Variants in DPP10 observed in about 807,000 individuals in gnomAD.
The protein encoded by DPP10 is dipeptidyl peptidase like 10, also known as inactive dipeptidyl peptidase 10.
A neutral mutation model predicts 120.9 loss-of-function variants in DPP10; 33 were observed. That is an observed-to-expected ratio of 0.27 (90% CI 0.21 to 0.37). The LOEUF is 0.37. Among genes scored for constraint, DPP10 ranks in the 10% least tolerant of loss-of-function variants. The pLI, the probability that DPP10 is intolerant of heterozygous loss-of-function variation, is 1.00. For synonymous variants in DPP10, 337 were observed against 326.1 expected (o/e 1.03, Z -0.36); for missense variants, 816 against 942.8 (o/e 0.87, Z 1.76).
intron 1 of DPP10, among the ~76,000 whole-genome samples, chr2:115,268,397 A>G (rs939685411): frequency 3.9e-5 from 6 of 152,230 alleles, no homozygotes; most frequent in African/African-American, 1.4e-4. Context: ...TGAACAATCT[A>G]GTGAATGAAC....
intron 1 of DPP10, among the ~76,000 whole-genome samples, chr2:115,129,125 A>T (rs1247960514): frequency 6.6e-6 from 1 of 152,156 alleles, no homozygotes; most frequent in Non-Finnish European, 1.5e-5. Flanking sequence ...TTTCAAACTC[A>T]GGCTTCCTGT....
At position 114,708,144 on chromosome 2, in the gene DPP10, C is replaced by T. The variant is rs554542087; in HGVS notation, c.60+265306C>T. Among the ~76,000 whole-genome samples, 11 of 152,272 alleles carry T rather than the reference C, an allele frequency of 7.2e-5. No individual in the cohort carries two copies. The East Asian group carries it at 1.9e-3, about 27-fold the overall frequency. On this transcript the variant is annotated intron_variant, in intron 1 of 25. Coordinates refer to ENST00000410059, the MANE Select transcript of DPP10 (RefSeq NM_020868.6). ...ATTATTCAAGGATAGGCAGCTAAAACAAACAAACCTAGAATCCATGCTGAG... is the reference window on the plus strand; with the variant it reads ...ATTATTCAAGGATAGGCAGCTAAAATAAACAAACCTAGAATCCATGCTGAG...
chr2:115,643,371 G>A (rs951936163), intron 5 of DPP10, among the ~76,000 whole-genome samples: 1 of 152,136 alleles, frequency 6.6e-6, no homozygotes, highest in Non-Finnish European at 1.5e-5. Context: ...ACAGTTAACA[G>A]GATTGCTAAT....
chr2:115,780,528 T>G (rs1575756917), intron 15 of DPP10, among the ~76,000 whole-genome samples: 1 of 151,870 alleles, frequency 6.6e-6, no homozygotes. Context: ...GAAATTCCCT[T>G]TAAGACTTTA....
chr2:114,808,646 C>G (rs1684938721), intron 1 of DPP10, among the ~76,000 whole-genome samples: 1 of 150,674 alleles, frequency 6.6e-6, no homozygotes, highest in Non-Finnish European at 1.5e-5. Context: ...ATGACCTGGT[C>G]TCTGCACTTC....
At chr2:114,952,379 A>C (rs1487708652) in intron 1 of DPP10, among the ~76,000 whole-genome samples, 1 of 152,134 alleles carries the variant, frequency 6.6e-6, no homozygotes, top group Non-Finnish European at 1.5e-5. Flanking sequence ...AAACATTCCT[A>C]TATTGTTTCT....
chr2:115,625,234 C>A (rs537260886), intron 5 of DPP10, among the ~76,000 whole-genome samples: 11 of 152,054 alleles, frequency 7.2e-5, no homozygotes, highest in African/African-American at 2.6e-4. Context: ...TGAGAAAGAT[C>A]TTTTTTGGAT....
intron 1 of DPP10, among the ~76,000 whole-genome samples, chr2:115,032,176 G>A (rs1238962182): frequency 8.0e-6 from 1 of 124,458 alleles, no homozygotes. Flanking sequence ...CCTAGCAATA[G>A]AGGGTAACTC....
chr2:115,701,798 A>ATGGT (rs1375045099), intron 7 of DPP10, among the ~76,000 whole-genome samples: 2 of 152,034 alleles, frequency 1.3e-5, no homozygotes, highest in Non-Finnish European at 2.9e-5. Context: ...TAATTCCAAA[A>ATGGT]TGGGCAATGA....
intron 1 of DPP10, among the ~76,000 whole-genome samples, chr2:114,921,818 A>G (rs770755350): frequency 3.8e-4 from 58 of 152,264 alleles, no homozygotes; most frequent in Admixed American, 9.2e-4. Context: ...ATTACTAGAC[A>G]TTCAATGAGT....
chr2:114,917,168 A>G (rs1368202714), intron 1 of DPP10, among the ~76,000 whole-genome samples: 1 of 152,124 alleles, frequency 6.6e-6, no homozygotes, highest in African/African-American at 2.4e-5. Flanking sequence ...ATTTCTATAC[A>G]CCAATAATGT....
intron 1 of DPP10, among the ~76,000 whole-genome samples, chr2:114,859,303 G>A (rs1446490495): frequency 2.0e-5 from 3 of 150,906 alleles, no homozygotes; most frequent in African/African-American, 7.3e-5. Context: ...AGGAGGTGAA[G>A]CTAGCAGCGA....
intron 1 of DPP10, among the ~76,000 whole-genome samples, chr2:114,758,621 T>C (rs1055984661): frequency 9.2e-5 from 14 of 152,244 alleles, no homozygotes; most frequent in Admixed American, 1.3e-4. Context: ...TAAGAAGATA[T>C]AGAGGTTTCC....
intron 5 of DPP10, among the ~76,000 whole-genome samples, chr2:115,642,138 A>G (rs532640963): frequency 6.6e-6 from 1 of 152,214 alleles, no homozygotes; most frequent in African/African-American, 2.4e-5. Context: ...TTCTATATTC[A>G]AAATAGGTAG....
At chr2:114,914,260 G>A (rs548042601) in intron 1 of DPP10, among the ~76,000 whole-genome samples, 22 of 152,226 alleles carry the variant, frequency 1.4e-4, no homozygotes, top group African/African-American at 4.8e-4. Context: ...CGTAGTCATC[G>A]TATTCTCCAA....
At chr2:114,837,053 T>C (rs932667350) in intron 1 of DPP10, among the ~76,000 whole-genome samples, 3 of 152,118 alleles carry the variant, frequency 2.0e-5, no homozygotes, top group Admixed American at 6.6e-5. Flanking sequence ...CTAAAATTTG[T>C]GGAGTTAATG....
intron 1 of DPP10, among the ~76,000 whole-genome samples, chr2:114,485,479 G>A (rs919038705): frequency 7.2e-5 from 10 of 139,022 alleles, no homozygotes; most frequent in African/African-American, 2.9e-4. Context: ...TTTTTTTTGC[G>A]GGGAGGGGAT....
chr2:115,127,111 G>A (rs2104766187), intron 1 of DPP10, among the ~76,000 whole-genome samples: 1 of 152,286 alleles, frequency 6.6e-6, no homozygotes, highest in South Asian at 2.1e-4. Context: ...CTACCAGAGA[G>A]GTTGCACAGT....
chr2:114,491,845 A>G (rs1682031547), intron 1 of DPP10, among the ~76,000 whole-genome samples: 1 of 152,194 alleles, frequency 6.6e-6, no homozygotes, highest in South Asian at 2.1e-4. Context: ...ATAATTCGAA[A>G]AGGATTTTCC....
Sources: gnomAD v4.1 joint callset for allele counts (sites outside exome capture counted in the v4.1 genomes callset) on GRCh38, gnomAD v4.1.1 for gene constraint, MANE v1.5 for transcripts, NCBI Gene and HGNC (gene_info 2026-07-23, HGNC 2026-07-21) for gene names.